DSCAM: variants seen among roughly 807,000 people sequenced by gnomAD.
DSCAM encodes the protein cell adhesion molecule DSCAM.
Under a neutral mutation model 217.7 loss-of-function variants are expected in DSCAM, and 47 were observed. The ratio of observed to expected loss-of-function variants is 0.22; its 90% confidence interval spans 0.17 to 0.28. The LOEUF is 0.28. Among genes scored for constraint, DSCAM ranks in the 10% least tolerant of loss-of-function variants. The probability of loss-of-function intolerance (pLI) is 1.00; values close to 1 mark genes in which losing one functional copy is unlikely to be tolerated. For missense variants in DSCAM, 2,080 were observed against 2,618.3 expected (o/e 0.79, Z 4.49); for synonymous variants, 1,056 against 1,015.3 (o/e 1.04, Z -0.76).
chr21:40,721,978 C>T (rs563708793), intron 1 of DSCAM, among the ~76,000 whole-genome samples: 69 of 152,058 alleles, frequency 4.5e-4, no homozygotes, highest in African/African-American at 1.6e-3. Context: ...GCAGACTTCT[C>T]ATCAGAAACA....
chr21:40,668,895 G>C (rs975315640), intron 3 of DSCAM, among the ~76,000 whole-genome samples: 2 of 151,752 alleles, frequency 1.3e-5, no homozygotes, highest in African/African-American at 4.8e-5. Context: ...AAAAAACAAA[G>C]AAAAGATACA....
At position 40,773,313 on chromosome 21, in the gene DSCAM, C is replaced by G. The variant is rs564701873; in HGVS notation, c.44-64542G>C. ...GTAGGCAGTGTTAATTCCCATGCCTCTCTTAGCTTCTGGTATCTGCCAGCA... is the reference window on the plus strand; with the variant it reads ...GTAGGCAGTGTTAATTCCCATGCCTGTCTTAGCTTCTGGTATCTGCCAGCA... On this transcript the variant is annotated intron_variant, in intron 1 of 32. Coordinates refer to ENST00000400454, the MANE Select transcript of DSCAM (RefSeq NM_001389.5). Among the ~76,000 whole-genome samples the G allele has an allele frequency of 2.6e-5, 4 of 152,340 alleles. No individual in the cohort carries two copies. In the South Asian group the frequency reaches 8.3e-4, roughly 32 times the overall value.
At chr21:40,730,988 C>A (rs563338759) in intron 1 of DSCAM, among the ~76,000 whole-genome samples, 3 of 152,278 alleles carry the variant, frequency 2.0e-5, no homozygotes, top group Non-Finnish European at 2.9e-5. Flanking sequence ...TTTGGACCAA[C>A]TCTATGCATT....
chr21:40,144,658 C>A lies in DSCAM; in HGVS notation c.3092G>T (p.Gly1031Val), dbSNP rs762992438. 1.2e-6 allele frequency: 2 copies of A among 1,614,136 alleles called. No homozygotes were observed. The highest frequency in any genetic ancestry group is 2.2e-5 in the East Asian group (1 of 44,868). ...QIGYREYSTG[G>V]NFQFNIISVD... ...ACTGATAATGTTGAATTGGAAGTTA[C>A]CCCCAGTGCTGTACTCTCGGTAACC... The change falls in exon 17 of 33, where the codon GGT becomes GTT. Residue 1031 changes from glycine (G) to valine (V), a missense_variant. Gly to Val is a moderately radical substitution (Grantham distance 109). This residue lies in a region of DSCAM where 1,144 missense variants were observed against 1,421.1 expected (regional missense o/e 0.81). Transcript: ENST00000400454. The surrounding 1 kb of genome is among the most constrained non-coding windows in gnomAD (Gnocchi z 4.8).
At chr21:40,709,982 C>T (rs1448125127) in intron 1 of DSCAM, among the ~76,000 whole-genome samples, 1 of 152,184 alleles carries the variant, frequency 6.6e-6, no homozygotes, top group Admixed American at 6.5e-5. Context: ...CCTATTTCTC[C>T]ACATCCTCTC....
intron 3 of DSCAM, among the ~76,000 whole-genome samples, chr21:40,541,601 G>A (rs948283329): frequency 2.6e-5 from 4 of 152,062 alleles, no homozygotes; most frequent in Admixed American, 2.0e-4. Flanking sequence ...ACATATATGT[G>A]TATATTTGTG....
At chr21:40,497,303 A>G (rs2076126723) in intron 3 of DSCAM, among the ~76,000 whole-genome samples, 1 of 152,234 alleles carries the variant, frequency 6.6e-6, no homozygotes, top group Admixed American at 6.5e-5. Context: ...AGCTTTATAA[A>G]AAAGGAAATT....
chr21:40,320,615 G>A (rs1050457911), intron 8 of DSCAM, among the ~76,000 whole-genome samples: 2 of 152,196 alleles, frequency 1.3e-5, no homozygotes, highest in African/African-American at 2.4e-5. Flanking sequence ...ACAGGTCCAC[G>A]TGGCTGGGGG....
At chr21:40,710,707 G>A (rs1026522168) in intron 1 of DSCAM, among the ~76,000 whole-genome samples, 1 of 152,052 alleles carries the variant, frequency 6.6e-6, no homozygotes, top group African/African-American at 2.4e-5. Flanking sequence ...GAAATAAAAC[G>A]TGACTTCCAG....
intron 20 of DSCAM, among the ~76,000 whole-genome samples, chr21:40,122,130 G>C (rs2090041917): frequency 6.6e-6 from 1 of 152,118 alleles, no homozygotes; most frequent in Admixed American, 6.5e-5. Flanking sequence ...GTGTGACTTT[G>C]TTTTCAGGAT....
intron 23 of DSCAM, among the ~76,000 whole-genome samples, chr21:40,084,324 A>T (rs1396893727): frequency 1.3e-5 from 2 of 152,186 alleles, no homozygotes; most frequent in Admixed American, 1.3e-4. Context: ...AAACTTACTA[A>T]GGATACATGC....
At chr21:40,569,197 C>G (rs1366088367) in intron 3 of DSCAM, among the ~76,000 whole-genome samples, 1 of 152,194 alleles carries the variant, frequency 6.6e-6, no homozygotes, top group Non-Finnish European at 1.5e-5. Context: ...CATTTATTTT[C>G]TTCCTTACAG....
Position 40,785,542 on chromosome 21 carries a change from A to G in DSCAM, c.43+61077T>C, listed in dbSNP as rs180895383. Among the ~76,000 whole-genome samples, 296 of 152,382 alleles carry G rather than the reference A, an allele frequency of 1.9e-3. 4 individuals are homozygous for G. The South Asian group carries it at 0.024, about 12-fold the overall frequency. ...GTACTTTCAATAAATAAAGCATAAA[A>G]GTAAGGCTTTCGTATGCTGCCTAAA... On this transcript the variant is annotated intron_variant, in intron 1 of 32. Coordinates refer to ENST00000400454, the MANE Select transcript of DSCAM (RefSeq NM_001389.5).
At chr21:40,533,595 ACCTG>A (rs1568884743) in intron 3 of DSCAM, among the ~76,000 whole-genome samples, 11,792 of 138,992 alleles carry the variant, frequency 0.085, 821 homozygotes, top group East Asian at 0.2. Context: ...CCATCCATCC[ACCTG>A]TCTGTCCATC....
chr21:40,487,929 T>G (rs975716157), intron 3 of DSCAM, among the ~76,000 whole-genome samples: 5 of 152,126 alleles, frequency 3.3e-5, no homozygotes, highest in Admixed American at 2.0e-4. Flanking sequence ...TTATGTACAT[T>G]CTGGTTCTTG....
At chr21:40,673,884 G>A (rs980226151) in intron 3 of DSCAM, among the ~76,000 whole-genome samples, 8 of 152,118 alleles carry the variant, frequency 5.3e-5, no homozygotes, top group South Asian at 4.1e-4. Context: ...CTGCAGAACC[G>A]TGAGCCGGTT....
intron 3 of DSCAM, among the ~76,000 whole-genome samples, chr21:40,532,868 CTGTGTGTGTGTGTG>C (rs58575678): frequency 0.054 from 7,846 of 146,002 alleles, 677 homozygotes; most frequent in African/African-American, 0.18. Context: ...CCACAAGGCT[CTGTGTGTGTGTGTG>C]TGTGTGTGTG....
At chr21:40,381,826 T>A (rs1014108086) in intron 3 of DSCAM, among the ~76,000 whole-genome samples, 1 of 152,204 alleles carries the variant, frequency 6.6e-6, no homozygotes, top group African/African-American at 2.4e-5. Context: ...GCTTTACTTT[T>A]TAAAAAAATG....
In DSCAM at chr21:40,026,970, C is replaced by A. The variant is rs2088401149; in HGVS notation, c.5687-13584G>T. Among the ~76,000 whole-genome samples, 3 of 152,428 alleles carry A rather than the reference C, an allele frequency of 2.0e-5. No homozygotes were observed. In the South Asian group the frequency reaches 6.2e-4, roughly 32 times the overall value. On this transcript the variant is annotated intron_variant, in intron 32 of 32. Coordinates refer to ENST00000400454, the MANE Select transcript of DSCAM (RefSeq NM_001389.5). ...TTAGTTGATGCAGTTTCTTCCTAGT[C>A]TTGATGGTCTCTACATTTTGGCATG...
Sources: allele counts gnomAD v4.1 joint callset (sites outside exome capture counted in the v4.1 genomes callset), GRCh38; gene constraint gnomAD v4.1.1; regional missense constraint gnomAD v4.1.1; non-coding constraint Gnocchi (gnomAD v3.1); transcripts MANE v1.5; gene names NCBI Gene and HGNC (gene_info 2026-07-23, HGNC 2026-07-21).